NFATC3: variants seen among roughly 807,000 people sequenced by gnomAD.
NFATC3 encodes nuclear factor of activated T-cells, cytoplasmic 3.
A neutral mutation model predicts 98.6 loss-of-function variants in NFATC3; 46 were observed. The ratio of observed to expected loss-of-function variants is 0.47; its 90% CI spans 0.37 to 0.60. The LOEUF (loss-of-function observed/expected upper bound fraction) is 0.60, where lower values mean the gene tolerates loss of function less well. Ranked by LOEUF, NFATC3 falls within the 20% of genes least tolerant of loss-of-function variation. NFATC3 has a pLI of 0.00. For synonymous variants in NFATC3, 512 were observed against 472.2 expected (o/e 1.08, Z -1.09); for missense variants, 1,256 against 1,295.5 (o/e 0.97, Z 0.47).
At chr16:68,176,965 C>T (rs75450962) in intron 6 of NFATC3, among the ~76,000 whole-genome samples, 17,945 of 150,614 alleles carry the variant, frequency 0.12, 1,206 homozygotes, top group South Asian at 0.2. Flanking sequence ...GGTTGTAGGA[C>T]TAGTCAGATT....
intron 5 of NFATC3, among the ~76,000 whole-genome samples, chr16:68,172,326 A>G (rs1400340004): frequency 6.6e-6 from 1 of 152,204 alleles, no homozygotes; most frequent in Non-Finnish European, 1.5e-5. Flanking sequence ...AACACAGCTG[A>G]TCTTCAAACC....
chr16:68,162,326 A>G (rs531371895), intron 4 of NFATC3, among the ~76,000 whole-genome samples: 1 of 152,340 alleles, frequency 6.6e-6, no homozygotes, highest in East Asian at 1.9e-4. Context: ...GCTAGGATAA[A>G]CTAGTATCCT....
chr16:68,191,923 AAC>A, intron 9 of NFATC3, 148 bp downstream of exon 9: 1 of 872,376 alleles, frequency 1.1e-6, no homozygotes, highest in African/African-American at 1.7e-5. Flanking sequence ...GTTAATATAT[AAC>A]TTTGCCAGGT....
intron 5 of NFATC3, among the ~76,000 whole-genome samples, 200 bp downstream of exon 5, chr16:68,167,215 G>T (rs2151596364): frequency 6.6e-6 from 1 of 152,280 alleles, no homozygotes; most frequent in South Asian, 2.1e-4. Context: ...GGTTTCTCAT[G>T]ATAGTTTGAC....
At chr16:68,164,165 C>T (rs1029041635) in intron 4 of NFATC3, among the ~76,000 whole-genome samples, 62 of 152,222 alleles carry the variant, frequency 4.1e-4, no homozygotes, top group African/African-American at 8.4e-4. Flanking sequence ...CTCGGGAGGC[C>T]GAGGCTGGCG....
chr16:68,199,418 G>T (rs1246606374), intron 9 of NFATC3, among the ~76,000 whole-genome samples: 1 of 148,532 alleles, frequency 6.7e-6, no homozygotes, highest in Non-Finnish European at 1.5e-5. Flanking sequence ...TAGAGGCGGG[G>T]TTTCACTGTG....
At chr16:68,209,229 C>T (rs149521666) in intron 9 of NFATC3, among the ~76,000 whole-genome samples, 303 of 152,208 alleles carry the variant, frequency 2.0e-3, no homozygotes, top group African/African-American at 6.6e-3. Context: ...GAGTTGGGCA[C>T]GGTGGCTCAC....
intron 9 of NFATC3, among the ~76,000 whole-genome samples, chr16:68,192,958 G>A (rs1048886438): frequency 2.0e-5 from 3 of 152,168 alleles, no homozygotes; most frequent in African/African-American, 7.2e-5. Context: ...GCCAAGTTTT[G>A]GAGGATGAGT....
chr16:68,150,657 AAAAT>A (rs2038271406), intron 3 of NFATC3, among the ~76,000 whole-genome samples: 1 of 152,216 alleles, frequency 6.6e-6, no homozygotes, highest in South Asian at 2.1e-4. Flanking sequence ...TATTAAGAGA[AAAAT>A]AAATATATAA....
intron 1 of NFATC3, among the ~76,000 whole-genome samples, chr16:68,118,246 T>C (rs973400629): frequency 6.6e-6 from 1 of 152,208 alleles, no homozygotes; most frequent in Non-Finnish European, 1.5e-5. Flanking sequence ...CTGTAATCTC[T>C]GTAAAACAAG....
At chr16:68,219,197 A>G (rs889140640) in intron 9 of NFATC3, among the ~76,000 whole-genome samples, 9 of 151,602 alleles carry the variant, frequency 5.9e-5, no homozygotes, top group Admixed American at 2.6e-4. Flanking sequence ...CAGCCTGAAC[A>G]TGGTGAAACC....
At chr16:68,141,168 G>A (rs1016434348) in intron 3 of NFATC3, among the ~76,000 whole-genome samples, 6 of 152,056 alleles carry the variant, frequency 3.9e-5, no homozygotes, top group Non-Finnish European at 5.9e-5. Context: ...GTAGCATTCC[G>A]TGGTGTAGAT....
rs570185769 is a variant in NFATC3 at position 68,107,672 on chromosome 16, G to A, written c.104-14315G>A. Among the ~76,000 whole-genome samples the A allele has an allele frequency of 9.9e-5, 15 of 152,120 alleles. No individual in the cohort carries two copies. The South Asian group carries it at 1.5e-3, about 15-fold the overall frequency. On this transcript the variant is annotated intron_variant, in intron 1 of 9. Transcript: ENST00000346183. ...CAGGAAACAGAGGTTGCAGTGAGCCGAGATCATGCCACTGCACTCCAGCCT... is the reference window on the plus strand; with the variant it reads ...CAGGAAACAGAGGTTGCAGTGAGCCAAGATCATGCCACTGCACTCCAGCCT...
At position 68,191,273 on chromosome 16, in the gene NFATC3, T is replaced by C. The variant is rs750219581; in HGVS notation, c.2604T>C (p.His868=). 4.3e-6 allele frequency: 7 copies of C among 1,614,196 alleles called. No individual in the cohort carries two copies. In the South Asian group the frequency reaches 5.5e-5, roughly 13 times the overall value. ...NSGSTGHLLA[H]TPHSVHTLPH... is the part of the protein sequence containing the mutation. ...GCTCAACAGGACATCTCTTAGCCCA[T>C]ACACCTCATTCTGTGCATACCCTGC... The change falls in exon 9 of 10, where the codon CAT becomes CAC. Residue 868 remains histidine, a synonymous_variant. Transcript: ENST00000346183.
intron 9 of NFATC3, among the ~76,000 whole-genome samples, chr16:68,224,274 C>CTTTTTT (rs952835724): frequency 3.3e-5 from 4 of 121,654 alleles, no homozygotes; most frequent in African/African-American, 1.3e-4. Context: ...TAAGCCAAAT[C>CTTTTTT]TTTTTTTTTT....
intron 9 of NFATC3, among the ~76,000 whole-genome samples, chr16:68,199,324 C>T (rs547720741): frequency 3.2e-4 from 46 of 145,412 alleles, no homozygotes; most frequent in African/African-American, 7.1e-4. Context: ...CCCGGGTTCA[C>T]GCCATTCTCC....
intron 3 of NFATC3, among the ~76,000 whole-genome samples, chr16:68,149,042 C>T (rs1292313658): frequency 6.6e-6 from 1 of 151,970 alleles, no homozygotes; most frequent in Non-Finnish European, 1.5e-5. Flanking sequence ...TTAAATTTCC[C>T]AGATGTTTCT....
chr16:68,125,902 T>C (rs1325797444), intron 2 of NFATC3, among the ~76,000 whole-genome samples: 1 of 152,040 alleles, frequency 6.6e-6, no homozygotes, highest in African/African-American at 2.4e-5. Context: ...ATTATTATTA[T>C]TATTTTTTGA....
chr16:68,121,782 TCA>T (rs971321128), intron 1 of NFATC3, among the ~76,000 whole-genome samples: 1 of 152,068 alleles, frequency 6.6e-6, no homozygotes, highest in Admixed American at 6.6e-5. Flanking sequence ...TATGTAATAA[TCA>T]CACATATCTG....
Sources: gnomAD v4.1 joint callset for allele counts (sites outside exome capture counted in the v4.1 genomes callset) on GRCh38, gnomAD v4.1.1 for gene constraint, MANE v1.5 for transcripts, NCBI Gene and HGNC (gene_info 2026-07-23, HGNC 2026-07-21) for gene names.